Variants in XPA observed in about 807,000 individuals in gnomAD.
The protein encoded by XPA is DNA repair protein complementing XP-A cells.
Under a neutral mutation model 35.7 loss-of-function variants are expected in XPA, and 27 were observed. The ratio of observed to expected loss-of-function variants is 0.76; its 90% CI spans 0.56 to 1.04. The LOEUF (loss-of-function observed/expected upper bound fraction) is 1.04. XPA is among the 50% of genes least tolerant of loss of function. The pLI is 0.00. For missense variants in XPA, 354 were observed against 342.7 expected (o/e 1.03, Z -0.26); for synonymous variants, 133 against 118.4 (o/e 1.12, Z -0.80).
the XPA span, among the ~76,000 whole-genome samples, chr9:97,665,689 A>C: frequency 3.8e-4 from 58 of 152,316 alleles, no homozygotes; most frequent in African/African-American, 1.3e-3. Context: ...TTGGGTCAAA[A>C]TTTGTAGAAG....
chr9:97,675,550 C>T lies in XPA; in HGVS notation c.711G>A (p.Arg237=), dbSNP rs1828333379. Residue 237 remains arginine, a synonymous_variant, in exon 6 of 6, where the codon AGG becomes AGA. Coordinates refer to ENST00000375128, the MANE Select transcript of XPA (RefSeq NM_000380.4). ...RRAVRSSVWK[R]ETIVHQHEYG... ...ACTCATGTTGATGAACAATCGTCTCCCTTTTCCACACGCTGCTTCTTACTG... is the reference window on the plus strand; with the variant it reads ...ACTCATGTTGATGAACAATCGTCTCTCTTTTCCACACGCTGCTTCTTACTG... 1.2e-6 allele frequency: 2 copies of T among 1,613,818 alleles called. No homozygotes were observed. Among genetic ancestry groups the T allele is most frequent in the Non-Finnish European group, 1.7e-6 (2 of 1,179,946 alleles).
At chr9:97,678,139 G>A (rs566753925) in intron 5 of XPA, among the ~76,000 whole-genome samples, 2 of 152,276 alleles carry the variant, frequency 1.3e-5, no homozygotes, top group African/African-American at 4.8e-5. Context: ...GGTGGCTCAC[G>A]CCTATAATTC....
chr9:97,660,420 AC>A, the XPA span, among the ~76,000 whole-genome samples: 4 of 152,220 alleles, frequency 2.6e-5, no homozygotes, highest in Non-Finnish European at 5.9e-5. Context: ...CATCTGACTT[AC>A]GTAGATTCAA....
At chr9:97,695,426 C>A (rs1282269340) in intron 1 of XPA, among the ~76,000 whole-genome samples, 1 of 152,160 alleles carries the variant, frequency 6.6e-6, no homozygotes, top group Non-Finnish European at 1.5e-5. Flanking sequence ...AAATAGTAAA[C>A]ATTCCATGAG....
chr9:97,693,783 C>A (rs1298035163), intron 1 of XPA, 24 bp from the exon 2 acceptor site: 1 of 1,606,332 alleles, frequency 6.2e-7, no homozygotes, highest in Non-Finnish European at 8.5e-7. Context: ...TAAAAGCAGT[C>A]AACAATTGAA....
the XPA span, among the ~76,000 whole-genome samples, chr9:97,663,761 C>T: frequency 6.6e-6 from 1 of 151,706 alleles, no homozygotes; most frequent in East Asian, 2.0e-4. Context: ...TGCTAGATTA[C>T]AGGTGTGAGC....
chr9:97,670,619 T>C (rs185515716), downstream of XPA, among the ~76,000 whole-genome samples: 12 of 152,368 alleles, frequency 7.9e-5, no homozygotes, highest in Non-Finnish European at 1.5e-4. Flanking sequence ...TAACAGTCTC[T>C]AGTCCTATAA....
chr9:97,681,531 A>G (rs1828539670), intron 5 of XPA, among the ~76,000 whole-genome samples: 1 of 152,218 alleles, frequency 6.6e-6, no homozygotes, highest in African/African-American at 2.4e-5. Flanking sequence ...ATAGTAATAA[A>G]TAATGAAAAT....
chr9:97,676,483 T>G (rs3176746), intron 5 of XPA, among the ~76,000 whole-genome samples: 17,973 of 152,210 alleles, frequency 0.12, 3,014 homozygotes, highest in African/African-American at 0.37. Context: ...CTAAGGGAGA[T>G]TATGATAGCT....
chr9:97,689,504 G>C, intron 3 of XPA, 30 bp downstream of exon 3: 1 of 1,353,576 alleles, frequency 7.4e-7, no homozygotes, highest in East Asian at 2.3e-5. Context: ...ATAAACATTA[G>C]CAATTAAGAA....
intron 5 of XPA, among the ~76,000 whole-genome samples, chr9:97,680,353 C>G (rs1024366338): frequency 3.9e-5 from 6 of 152,082 alleles, no homozygotes; most frequent in African/African-American, 1.4e-4. Context: ...GGACTACAGG[C>G]ACACACCATC....
intron 2 of XPA, among the ~76,000 whole-genome samples, chr9:97,692,386 T>C (rs1475202620): frequency 1.3e-5 from 2 of 152,198 alleles, no homozygotes; most frequent in Non-Finnish European, 2.9e-5. Context: ...TCCTTCATTA[T>C]AACACACTAA....
chr9:97,666,682 A>G, the XPA span: 1 of 905,532 alleles, frequency 1.1e-6, no homozygotes, highest in South Asian at 1.8e-5. Flanking sequence ...GCTGTTAAGA[A>G]TGAAATTACA....
At chr9:97,662,230 T>C in the XPA span, 3 of 1,002,504 alleles carry the variant, frequency 3.0e-6, no homozygotes, top group Non-Finnish European at 4.7e-6. Flanking sequence ...CCTAAGATTG[T>C]TGAATATGAA....
intron 2 of XPA, among the ~76,000 whole-genome samples, chr9:97,692,540 A>C (rs949122967): frequency 6.6e-6 from 1 of 152,202 alleles, no homozygotes; most frequent in Non-Finnish European, 1.5e-5. Context: ...TGAAAAATTT[A>C]CCAGGATGCA....
downstream of XPA, chr9:97,674,795 A>G (rs961964446): frequency 1.8e-5 from 7 of 383,778 alleles, no homozygotes; most frequent in South Asian, 6.5e-5. Flanking sequence ...TTGATCAACA[A>G]TCAGATAGTC....
chr9:97,662,435 C>T, the XPA span, among the ~76,000 whole-genome samples: 6 of 152,124 alleles, frequency 3.9e-5, no homozygotes, highest in East Asian at 1.9e-4. Flanking sequence ...GAAGTTCCCA[C>T]GCTAAATATC....
the XPA span, among the ~76,000 whole-genome samples, chr9:97,659,477 T>A: frequency 4.6e-5 from 7 of 152,196 alleles, no homozygotes; most frequent in Non-Finnish European, 8.8e-5. Flanking sequence ...AAATGAACTG[T>A]GTCGGTCCTG....
chr9:97,656,191 C>T, the XPA span: 2 of 890,628 alleles, frequency 2.2e-6, no homozygotes, highest in African/African-American at 3.4e-5. Context: ...TCCACTTACT[C>T]ATCTTCCATC....
Sources: allele counts gnomAD v4.1 joint callset (sites outside exome capture counted in the v4.1 genomes callset), GRCh38; gene constraint gnomAD v4.1.1; transcripts MANE v1.5; gene names NCBI Gene and HGNC (gene_info 2026-07-23, HGNC 2026-07-21).